The following PPP3CA variants were observed in gnomAD, a reference collection of about 807,000 sequenced individuals.
The protein encoded by PPP3CA is CAM-PRP catalytic subunit.
Under a neutral mutation model 66.5 loss-of-function variants are expected in PPP3CA, and 14 were observed. The ratio of observed to expected loss-of-function variants is 0.21; its 90% CI spans 0.14 to 0.33. PPP3CA has a LOEUF of 0.33. Ranked by LOEUF, PPP3CA falls within the 10% of genes least tolerant of loss-of-function variation. PPP3CA has a pLI of 1.00. For synonymous variants in PPP3CA, 232 were observed against 226.2 expected (o/e 1.03, Z -0.23); for missense variants, 317 against 639.5 (o/e 0.50, Z 5.44).
chr4:101,228,060 T>C (rs1329708727), intron 1 of PPP3CA, among the ~76,000 whole-genome samples: 12 of 151,690 alleles, frequency 7.9e-5, no homozygotes, highest in South Asian at 4.1e-4. Flanking sequence ...CTACCCAAGA[T>C]GGAATAAAGT....
chr4:101,035,316 A>C (rs1727194859), intron 11 of PPP3CA, among the ~76,000 whole-genome samples: 1 of 146,492 alleles, frequency 6.8e-6, no homozygotes, highest in African/African-American at 2.7e-5. Context: ...CATGGGACTC[A>C]TCAAAAAAAA....
At chr4:101,114,961 A>G (rs922980028) in intron 2 of PPP3CA, among the ~76,000 whole-genome samples, 5 of 152,198 alleles carry the variant, frequency 3.3e-5, no homozygotes, top group Admixed American at 3.3e-4. Flanking sequence ...CAAACAAAAC[A>G]TAAATATTAA....
chr4:101,095,396 A>C (rs1420424756), intron 5 of PPP3CA, among the ~76,000 whole-genome samples: 2 of 152,186 alleles, frequency 1.3e-5, no homozygotes, highest in African/African-American at 2.4e-5. Flanking sequence ...AAGTTAATAT[A>C]ATTGACAGTA....
intron 3 of PPP3CA, among the ~76,000 whole-genome samples, chr4:101,101,434 G>C (rs1730437620): frequency 1.3e-5 from 2 of 152,050 alleles, no homozygotes; most frequent in Admixed American, 6.6e-5. Context: ...AATGTCTAAG[G>C]CTATACCTTA....
chr4:101,025,880 G>A lies in PPP3CA; in HGVS notation c.1551C>T (p.Ser517=), dbSNP rs763317802. 2.8e-5 allele frequency: 43 copies of A among 1,538,442 alleles called. No homozygotes were observed. The highest frequency in any genetic ancestry group is 3.5e-5 in the Non-Finnish European group (40 of 1,132,930). The change falls in exon 14 of 14, where the codon AGC becomes AGT. Residue 517 remains serine (S), a synonymous_variant. Transcript: ENST00000394854. ...CAGGAAGTGGTCACTGAATATTGCT[G>A]CTATTACTGCCATTGCTGTCCGTGC... The part of the protein sequence containing the change: ...TNGTDSNGSN[S]SNIQ
At chr4:101,277,016 T>TGC (rs1727517547) in intron 1 of PPP3CA, among the ~76,000 whole-genome samples, 2 of 124,652 alleles carry the variant, frequency 1.6e-5, no homozygotes, top group South Asian at 2.5e-4. Context: ...GACCTGATAT[T>TGC]TTCAGGTCCT....
At chr4:101,179,419 C>T (rs1476744514) in intron 2 of PPP3CA, among the ~76,000 whole-genome samples, 1 of 152,062 alleles carries the variant, frequency 6.6e-6, no homozygotes, top group Non-Finnish European at 1.5e-5. Flanking sequence ...CCCTGGACAC[C>T]ACCACCACTG....
At chr4:101,029,347 T>TAAACAAAAAAAAAAAAAAAAAACAAAA (rs1726816636) in intron 12 of PPP3CA, 152 bp from the exon 13 acceptor site, 1 of 78,822 alleles carries the variant, frequency 1.3e-5, no homozygotes, top group African/African-American at 7.1e-5. Context: ...ACAGAAATGC[T>TAAACAAAAAAAAAAAAAAAAAACAAAA]AAAAAAAAAA....
chr4:101,211,171 A>C (rs1725286834), intron 1 of PPP3CA, among the ~76,000 whole-genome samples: 1 of 152,036 alleles, frequency 6.6e-6, no homozygotes, highest in African/African-American at 2.4e-5. Flanking sequence ...AGGGGAAGCC[A>C]GGGCTCACAT....
chr4:101,158,075 T>C (rs1723383633), intron 2 of PPP3CA: 1 of 152,180 alleles, frequency 6.6e-6, no homozygotes, highest in Non-Finnish European at 1.5e-5. Flanking sequence ...TTTGTCTTTG[T>C]TTTGCACGAG....
At chr4:101,298,651 T>G (rs1388036422) in intron 1 of PPP3CA, among the ~76,000 whole-genome samples, 1 of 152,210 alleles carries the variant, frequency 6.6e-6, no homozygotes, top group Non-Finnish European at 1.5e-5. Flanking sequence ...CTTACTTTAC[T>G]GTAAGAATAT....
At chr4:101,119,249 G>C (rs937284911) in intron 2 of PPP3CA, among the ~76,000 whole-genome samples, 1 of 151,908 alleles carries the variant, frequency 6.6e-6, no homozygotes, top group African/African-American at 2.4e-5. Context: ...AAATCAAATA[G>C]ACTAGGTCTC....
chr4:101,173,125 C>T (rs1206543537), intron 2 of PPP3CA, among the ~76,000 whole-genome samples: 1 of 152,128 alleles, frequency 6.6e-6, no homozygotes, highest in Non-Finnish European at 1.5e-5. Flanking sequence ...TAACACAGCC[C>T]AGATTCTAAA....
At chr4:101,340,713 A>T (rs949801096) in intron 1 of PPP3CA, among the ~76,000 whole-genome samples, 3 of 152,174 alleles carry the variant, frequency 2.0e-5, no homozygotes, top group Non-Finnish European at 4.4e-5. Flanking sequence ...TTCATTGCCT[A>T]CATCAGTCCT....
intron 1 of PPP3CA, among the ~76,000 whole-genome samples, chr4:101,344,584 TA>T (rs1729919468): frequency 6.6e-6 from 1 of 152,198 alleles, no homozygotes. Context: ...TAAAATTTTT[TA>T]AATTATGGGT....
At chr4:101,065,925 T>A (rs1473986364) in intron 8 of PPP3CA, among the ~76,000 whole-genome samples, 1 of 152,158 alleles carries the variant, frequency 6.6e-6, no homozygotes, top group Admixed American at 6.6e-5. Context: ...GAGTACCTAC[T>A]GATAAAGCAA....
At chr4:101,269,769 A>G (rs963985607) in intron 1 of PPP3CA, among the ~76,000 whole-genome samples, 1 of 152,182 alleles carries the variant, frequency 6.6e-6, no homozygotes, top group South Asian at 2.1e-4. Flanking sequence ...TGTGAACATC[A>G]TGAAGAAGAC....
At chr4:101,146,352 G>C (rs1446707642) in intron 2 of PPP3CA, among the ~76,000 whole-genome samples, 1 of 152,156 alleles carries the variant, frequency 6.6e-6, no homozygotes, top group African/African-American at 2.4e-5. Flanking sequence ...CAACAATCCT[G>C]AAAGTCAGTG....
At chr4:101,310,531 C>T (rs1728689068) in intron 1 of PPP3CA, among the ~76,000 whole-genome samples, 1 of 151,978 alleles carries the variant, frequency 6.6e-6, no homozygotes, top group Non-Finnish European at 1.5e-5. Context: ...TAAAAAATCT[C>T]CCAGGAGTGG....
Sources: gnomAD v4.1 joint callset for allele counts (sites outside exome capture counted in the v4.1 genomes callset) on GRCh38, gnomAD v4.1.1 for gene constraint, MANE v1.5 for transcripts, NCBI Gene and HGNC (gene_info 2026-07-23, HGNC 2026-07-21) for gene names.